Variants in GRM4 observed in about 807,000 individuals in gnomAD.
GRM4 encodes the protein glutamate metabotropic receptor 4.
Under a neutral mutation model 81.7 loss-of-function variants are expected in GRM4, and 28 were observed. The observed-to-expected ratio is 0.34, with a 90% CI of 0.25 to 0.47. The LOEUF (loss-of-function observed/expected upper bound fraction) is 0.47, where lower values mean the gene tolerates loss of function less well. Among genes scored for constraint, GRM4 ranks in the 20% least tolerant of loss-of-function variants. The pLI is 1.00. For missense variants in GRM4, 948 were observed against 1,290.0 expected (o/e 0.73, Z 4.06); for synonymous variants, 488 against 528.8 (o/e 0.92, Z 1.06).
intron 1 of GRM4, among the ~76,000 whole-genome samples, chr6:34,139,060 C>G (rs1426310765): frequency 1.3e-5 from 2 of 152,256 alleles, no homozygotes; most frequent in African/African-American, 4.8e-5. Context: ...TGCTCCCAGG[C>G]AGTCAGCCAG....
At chr6:34,091,854 A>T (rs757547746) in intron 3 of GRM4, 29 bp downstream of exon 3, 1 of 1,521,100 alleles carries the variant, frequency 6.6e-7, no homozygotes, top group Non-Finnish European at 9.1e-7. Flanking sequence ...CGAGCCTGGC[A>T]TGACTCTGCG....
chr6:34,038,772 G>A lies in GRM4; in HGVS notation c.1506+1406C>T, dbSNP rs149083173. Among the ~76,000 whole-genome samples the A allele has an allele frequency of 7.5e-4, 114 of 152,308 alleles. 8 individuals carry two copies. The East Asian group carries it at 0.016, about 22-fold the overall frequency. ...CTGCATCAGAATGGGCCATGAAGAC[G>A]GTCTGGCCGGTGGAGGGGCCTTGTA... On this transcript the variant is annotated intron_variant, in intron 8 of 10. Transcript: ENST00000538487.
intron 3 of GRM4, among the ~76,000 whole-genome samples, chr6:34,075,102 G>C (rs2451349): frequency 0.082 from 12,472 of 151,922 alleles, 1,089 homozygotes; most frequent in African/African-American, 0.21. Flanking sequence ...GGTCTGACCC[G>C]CGGGCAGTGC....
chr6:34,126,153 G>A (rs1770012941), intron 2 of GRM4, among the ~76,000 whole-genome samples: 1 of 152,122 alleles, frequency 6.6e-6, no homozygotes. Context: ...AGAGCAGAGT[G>A]GTGAAAAAAG....
chr6:34,141,825 A>AGGGCAGGC (rs1770701926), intron 1 of GRM4, among the ~76,000 whole-genome samples: 2 of 152,188 alleles, frequency 1.3e-5, no homozygotes, highest in Non-Finnish European at 2.9e-5. Context: ...GTGGGAAACC[A>AGGGCAGGC]AGGCAGAAGC....
rs538882932 is a variant in GRM4 at position 34,078,816 on chromosome 6, C to A, written c.736+13067G>T. ...CCGTCTGCAAGAGTCGTTAGCTTTCCTTCTGGCTCATTAAAAAGCAGAATT... is the reference window on the plus strand; with the variant it reads ...CCGTCTGCAAGAGTCGTTAGCTTTCATTCTGGCTCATTAAAAAGCAGAATT... On this transcript the variant is annotated intron_variant, in intron 3 of 10. Transcript: ENST00000538487. The surrounding 1 kb of genome is among the most constrained non-coding windows in gnomAD (Gnocchi z 4.8). Among the ~76,000 whole-genome samples the A allele has an allele frequency of 6.6e-6, 1 of 152,332 alleles. No homozygotes were observed. The highest frequency in any genetic ancestry group is 2.1e-4 in the South Asian group (1 of 4,828).
At chr6:34,128,242 C>T (rs1770096108) in intron 2 of GRM4, among the ~76,000 whole-genome samples, 1 of 152,242 alleles carries the variant, frequency 6.6e-6, no homozygotes. Flanking sequence ...CCGCTCCATC[C>T]TCTTCCGCAT....
intron 6 of GRM4, among the ~76,000 whole-genome samples, chr6:34,041,581 A>G (rs1434275836): frequency 1.3e-5 from 2 of 152,130 alleles, no homozygotes; most frequent in East Asian, 3.9e-4. Context: ...CACGTCAGCA[A>G]AAAGGGGATC....
intron 2 of GRM4, among the ~76,000 whole-genome samples, chr6:34,127,087 G>A (rs1020479396): frequency 6.6e-6 from 1 of 152,094 alleles, no homozygotes; most frequent in Non-Finnish European, 1.5e-5. Context: ...CTCATGAACT[G>A]TACAAAACCA....
intron 3 of GRM4, among the ~76,000 whole-genome samples, chr6:34,087,902 A>C (rs1472037): frequency 0.88 from 132,851 of 151,014 alleles, 58,546 homozygotes; most frequent in African/African-American, 0.93. Flanking sequence ...GACCAGCCAT[A>C]CCCTAAGAAC....
chr6:34,062,302 C>T (rs902359339), intron 3 of GRM4: 2 of 378,282 alleles, frequency 5.3e-6, no homozygotes, highest in Non-Finnish European at 9.6e-6. Flanking sequence ...AGCAGCACGG[C>T]ATCATGCTTA....
chr6:34,138,681 C>CT (rs1770561922), intron 1 of GRM4, among the ~76,000 whole-genome samples: 1 of 152,202 alleles, frequency 6.6e-6, no homozygotes, highest in East Asian at 1.9e-4. Context: ...CACTGTGCGA[C>CT]TCGCAGGCCA....
chr6:34,040,124 AG>A (rs1169799092), intron 8 of GRM4, 53 bp downstream of exon 8: 6 of 1,574,420 alleles, frequency 3.8e-6, no homozygotes. Flanking sequence ...CCCCCCTCCC[AG>A]GGGCTGGAAC....
At chr6:34,127,845 T>C (rs1380984234) in intron 2 of GRM4, among the ~76,000 whole-genome samples, 2 of 152,184 alleles carry the variant, frequency 1.3e-5, no homozygotes, top group Admixed American at 6.5e-5. Flanking sequence ...GAGTTCCTCC[T>C]GGCTGTGTAG....
intron 8 of GRM4, among the ~76,000 whole-genome samples, chr6:34,039,170 T>C: frequency 6.6e-6 from 1 of 152,288 alleles, no homozygotes; most frequent in Non-Finnish European, 1.5e-5. Flanking sequence ...TGCCACACGG[T>C]GTGGCCTTTA....
chr6:34,142,185 C>T (rs891608362), intron 1 of GRM4, among the ~76,000 whole-genome samples: 1 of 152,192 alleles, frequency 6.6e-6, no homozygotes, highest in South Asian at 2.1e-4. Context: ...CTTAGGCCCG[C>T]CAAGACAGCC....
intron 5 of GRM4, among the ~76,000 whole-genome samples, chr6:34,056,892 T>G (rs970227502): frequency 6.6e-6 from 1 of 152,260 alleles, no homozygotes; most frequent in African/African-American, 2.4e-5. Context: ...GGGGATCGTG[T>G]GTAATCTACA....
chr6:34,065,827 G>A (rs1252972215), intron 3 of GRM4, among the ~76,000 whole-genome samples: 1 of 152,254 alleles, frequency 6.6e-6, no homozygotes, highest in African/African-American at 2.4e-5. Flanking sequence ...AGAGGCCAGA[G>A]AGGCCTTGCC....
rs192716487 is a variant in GRM4, at chr6:34,137,875, T to C, written c.-363-4016A>G. 6.9e-3 allele frequency among the ~76,000 whole-genome samples: 1,032 copies of C among 149,920 alleles called. 11 individuals are homozygous for C. The highest frequency in any genetic ancestry group is 0.024 in the African/African-American group (982 of 40,476). On this transcript the variant is annotated intron_variant, in intron 1 of 10. Coordinates refer to ENST00000538487, the MANE Select transcript of GRM4 (RefSeq NM_000841.4). The stretch of plus-strand genomic sequence containing the variant: ...CCTCCCAAAGTACTGGGAATACAGG[T>C]GTCAGCCACTTTGCCCGGCCCTCTT...
Sources: gnomAD v4.1 joint callset for allele counts (sites outside exome capture counted in the v4.1 genomes callset) on GRCh38, gnomAD v4.1.1 for gene constraint, Gnocchi (gnomAD v3.1) non-coding constraint, MANE v1.5 for transcripts, NCBI Gene and HGNC (gene_info 2026-07-23, HGNC 2026-07-21) for gene names.